PCMT1: variants seen among roughly 807,000 people sequenced by gnomAD.
The protein encoded by PCMT1 is protein-L-isoaspartate (D-aspartate) O-methyltransferase.
PCMT1 carries 9 observed loss-of-function variants against 29.2 expected under a neutral mutation model. The ratio of observed to expected loss-of-function variants is 0.31; its 90% confidence interval spans 0.19 to 0.54. PCMT1 has a LOEUF of 0.54. Among genes scored for constraint, PCMT1 ranks in the 20% least tolerant of loss-of-function variants. The pLI, the probability that PCMT1 is intolerant of heterozygous loss-of-function variation, is 0.95. For missense variants in PCMT1, 184 were observed against 282.2 expected (o/e 0.65, Z 2.49); for synonymous variants, 98 against 97.5 (o/e 1.00, Z -0.03).
intron 1 of PCMT1, among the ~76,000 whole-genome samples, chr6:149,761,343 C>A (rs1192827185): frequency 1.3e-5 from 2 of 151,638 alleles, no homozygotes; most frequent in Non-Finnish European, 2.9e-5. Flanking sequence ...AATTTTTAAT[C>A]AAGTAATATA....
At chr6:149,795,746 G>T in intron 5 of PCMT1, 1 of 200,918 alleles carries the variant, frequency 5.0e-6, no homozygotes, top group South Asian at 9.0e-5. Flanking sequence ...GTACTATTAA[G>T]GTACTATATC....
intron 6 of PCMT1, among the ~76,000 whole-genome samples, chr6:149,799,855 CA>C (rs1486053560): frequency 6.6e-6 from 1 of 152,072 alleles, no homozygotes; most frequent in African/African-American, 2.4e-5. Context: ...GACTCAGCAG[CA>C]AATCATAGTT....
chr6:149,778,923 C>T (rs1267501800), intron 3 of PCMT1, among the ~76,000 whole-genome samples: 5 of 152,076 alleles, frequency 3.3e-5, no homozygotes, highest in Non-Finnish European at 7.4e-5. Flanking sequence ...AAGTTATAGT[C>T]TTAAGATAAT....
intron 3 of PCMT1, among the ~76,000 whole-genome samples, chr6:149,783,364 C>G (rs1787892823): frequency 1.3e-5 from 2 of 152,216 alleles, no homozygotes; most frequent in African/African-American, 4.8e-5. Flanking sequence ...AACTCTTGAC[C>G]TCGTGATCTG....
chr6:149,762,889 ATATATC>A (rs1786869075), intron 1 of PCMT1, among the ~76,000 whole-genome samples: 1 of 58,104 alleles, frequency 1.7e-5, no homozygotes, highest in South Asian at 5.3e-4. Flanking sequence ...TATATGTTAT[ATATATC>A]TATGATATAT....
intron 4 of PCMT1, among the ~76,000 whole-genome samples, chr6:149,792,646 G>GC (rs1179667673): frequency 2.0e-5 from 3 of 151,798 alleles, no homozygotes; most frequent in Non-Finnish European, 2.9e-5. Flanking sequence ...CTCCTAAGTA[G>GC]CTGGGACTTA....
chr6:149,762,768 TATATATATACCTATG>T lies in PCMT1; in HGVS notation c.56-8369_56-8355del, dbSNP rs1427838762. Among the ~76,000 whole-genome samples the T allele has an allele frequency of 2.2e-4, 11 of 50,860 alleles. 1 individual carries two copies. The highest frequency in any genetic ancestry group is 2.7e-4 in the Non-Finnish European group (10 of 37,322). The allele number at this position is 50,860 out of a possible 152,430, so 33.4% of individuals were successfully genotyped here. ...ATATCTATGATATATATACCTATGATATATATATACCTATGATATATATACCTATGATATATATAT... is the reference window on the plus strand; with the variant it reads ...ATATCTATGATATATATACCTATGATATATATATACCTATGATATATATAT... On this transcript the variant is annotated intron_variant, in intron 1 of 7. Coordinates refer to ENST00000464889, the MANE Select transcript of PCMT1 (RefSeq NM_001360452.2).
upstream of PCMT1, chr6:149,749,700 GT>G (rs1427140168): frequency 6.7e-7 from 1 of 1,497,156 alleles, no homozygotes; most frequent in Non-Finnish European, 8.9e-7. Context: ...GCCGCGCGGC[GT>G]CACAGAGCGC....
At chr6:149,757,647 TA>T (rs1786561150) in intron 1 of PCMT1, among the ~76,000 whole-genome samples, 1 of 152,134 alleles carries the variant, frequency 6.6e-6, no homozygotes, top group Non-Finnish European at 1.5e-5. Context: ...TCATTATAAG[TA>T]AGTATTCACA....
At chr6:149,800,455 C>T (rs916161786) in intron 6 of PCMT1, among the ~76,000 whole-genome samples, 9 of 151,804 alleles carry the variant, frequency 5.9e-5, no homozygotes, top group South Asian at 2.1e-4. Flanking sequence ...GGTGACAGAG[C>T]GAGACTCAGT....
chr6:149,794,067 T>C (rs546841735), intron 5 of PCMT1, among the ~76,000 whole-genome samples: 24 of 152,340 alleles, frequency 1.6e-4, no homozygotes, highest in African/African-American at 5.1e-4. Flanking sequence ...CTTTTGATAA[T>C]AGAAATTCTT....
intron 1 of PCMT1, among the ~76,000 whole-genome samples, chr6:149,755,851 G>A (rs1786483962): frequency 6.6e-6 from 1 of 152,202 alleles, no homozygotes; most frequent in Admixed American, 6.5e-5. Flanking sequence ...GGAGGACAGA[G>A]TGTGTGGGGC....
At chr6:149,750,654 TTG>T (rs1385520047) in intron 1 of PCMT1, among the ~76,000 whole-genome samples, 1 of 152,036 alleles carries the variant, frequency 6.6e-6, no homozygotes, top group Non-Finnish European at 1.5e-5. Flanking sequence ...CAGCAGAGGG[TTG>T]TGTGTCTGAT....
chr6:149,773,087 T>C (rs1787402587), intron 2 of PCMT1, 51 bp from the exon 3 acceptor site: 3 of 1,360,150 alleles, frequency 2.2e-6, no homozygotes, highest in Non-Finnish European at 3.1e-6. Context: ...TTATGTGAAA[T>C]AGTATATTTT....
chr6:149,752,850 T>C (rs995307781), intron 1 of PCMT1, among the ~76,000 whole-genome samples: 1 of 152,244 alleles, frequency 6.6e-6, no homozygotes, highest in Admixed American at 6.5e-5. Context: ...CAAGACTAGA[T>C]AGATCTTTTC....
intron 1 of PCMT1, among the ~76,000 whole-genome samples, chr6:149,758,219 T>C (rs1338504777): frequency 7.6e-6 from 1 of 131,130 alleles, no homozygotes; most frequent in Non-Finnish European, 1.6e-5. Flanking sequence ...TTTTTTTTTT[T>C]TTTTTTTCTG....
At chr6:149,775,439 C>G (rs962487615) in intron 3 of PCMT1, among the ~76,000 whole-genome samples, 10 of 152,072 alleles carry the variant, frequency 6.6e-5, no homozygotes, top group African/African-American at 2.4e-4. Context: ...TGTGGTGGCT[C>G]ACACCTGTGT....
At chr6:149,757,563 C>G (rs968468734) in intron 1 of PCMT1, among the ~76,000 whole-genome samples, 1 of 152,044 alleles carries the variant, frequency 6.6e-6, no homozygotes, top group Non-Finnish European at 1.5e-5. Flanking sequence ...CTTTAGGGAG[C>G]AGTGGTGTTT....
At chr6:149,808,667 C>T (rs549103532) in intron 7 of PCMT1, among the ~76,000 whole-genome samples, 63 of 151,996 alleles carry the variant, frequency 4.1e-4, no homozygotes, top group African/African-American at 1.3e-3. Flanking sequence ...GATGGAGTCT[C>T]GCTCTGTCGC....
Sources: allele counts gnomAD v4.1 joint callset (sites outside exome capture counted in the v4.1 genomes callset), GRCh38; gene constraint gnomAD v4.1.1; transcripts MANE v1.5; gene names NCBI Gene and HGNC (gene_info 2026-07-23, HGNC 2026-07-21).